SHC3: variants seen among roughly 807,000 people sequenced by gnomAD.
The protein encoded by SHC3 is SHC-transforming protein 3.
SHC3 carries 15 observed loss-of-function variants against 60.4 expected under a neutral mutation model. That is an observed-to-expected ratio of 0.25 (90% CI 0.17 to 0.38). The LOEUF (loss-of-function observed/expected upper bound fraction) is 0.38. Among genes scored for constraint, SHC3 ranks in the 10% least tolerant of loss-of-function variants. The probability of loss-of-function intolerance (pLI) is 1.00; values close to 1 mark genes in which losing one functional copy is unlikely to be tolerated. For missense variants in SHC3, 677 were observed against 786.1 expected (o/e 0.86, Z 1.66); for synonymous variants, 294 against 325.9 (o/e 0.90, Z 1.05).
intron 2 of SHC3, among the ~76,000 whole-genome samples, chr9:89,094,475 T>A (rs1825670738): frequency 6.6e-6 from 1 of 152,222 alleles, no homozygotes; most frequent in African/African-American, 2.4e-5. Flanking sequence ...TTGAAGATGA[T>A]GACTCAATGA....
chr9:89,092,804 A>T (rs1251183683), intron 2 of SHC3, among the ~76,000 whole-genome samples: 1 of 151,782 alleles, frequency 6.6e-6, no homozygotes, highest in East Asian at 1.9e-4. Context: ...AAAGCTATTA[A>T]CACTGGTCAT....
intron 11 of SHC3, among the ~76,000 whole-genome samples, chr9:89,020,056 C>T (rs1826172657): frequency 6.6e-6 from 1 of 152,070 alleles, no homozygotes; most frequent in South Asian, 2.1e-4. Flanking sequence ...TTTTGTAGAC[C>T]TTTACTGTTA....
chr9:89,063,294 T>C (rs1047645982), intron 6 of SHC3, among the ~76,000 whole-genome samples: 78 of 152,300 alleles, frequency 5.1e-4, no homozygotes, highest in African/African-American at 1.9e-3. Context: ...CACGCCCAGC[T>C]AATTTTTGTA....
At chr9:89,051,358 A>G (rs1341605797) in intron 7 of SHC3, among the ~76,000 whole-genome samples, 3 of 152,244 alleles carry the variant, frequency 2.0e-5, no homozygotes, top group Non-Finnish European at 4.4e-5. Context: ...ATATTCTTAC[A>G]TCCTAAGGAA....
chr9:89,066,619 C>T (rs533402058), intron 5 of SHC3, among the ~76,000 whole-genome samples: 20 of 152,282 alleles, frequency 1.3e-4, no homozygotes, highest in African/African-American at 2.4e-4. Flanking sequence ...TTGGTATTTT[C>T]GGCATTCAAG....
chr9:89,094,377 G>A (rs1450143954), intron 2 of SHC3, among the ~76,000 whole-genome samples: 4 of 152,166 alleles, frequency 2.6e-5, no homozygotes, highest in Admixed American at 2.0e-4. Flanking sequence ...TCAGCCACTG[G>A]GTGAAGTGAC....
At chr9:89,104,280 G>A (rs1825825538) in intron 2 of SHC3, among the ~76,000 whole-genome samples, 1 of 152,124 alleles carries the variant, frequency 6.6e-6, no homozygotes. Flanking sequence ...CTCAAACTGG[G>A]GTACCTGGAT....
intron 6 of SHC3, among the ~76,000 whole-genome samples, chr9:89,064,786 T>C (rs1211476843): frequency 6.6e-6 from 1 of 152,096 alleles, no homozygotes; most frequent in Admixed American, 6.6e-5. Context: ...TATGAAAATG[T>C]TAAAAAGAGA....
intron 1 of SHC3, among the ~76,000 whole-genome samples, chr9:89,151,099 G>A (rs1826539906): frequency 6.6e-6 from 1 of 151,520 alleles, no homozygotes; most frequent in African/African-American, 2.4e-5. Context: ...GCTCACTGCA[G>A]CCTCAACCTC....
At chr9:89,117,627 G>A (rs1451083864) in intron 1 of SHC3, among the ~76,000 whole-genome samples, 1 of 152,076 alleles carries the variant, frequency 6.6e-6, no homozygotes, top group Non-Finnish European at 1.5e-5. Flanking sequence ...AATTATGACT[G>A]TAGTAATTAC....
chr9:89,178,170 CGAGAG>C lies in SHC3; in HGVS notation c.286_290del (p.Leu96GlyfsTer67). On this transcript the variant is annotated frameshift_variant, in exon 1 of 12. Coordinates refer to ENST00000375835, the MANE Select transcript of SHC3 (RefSeq NM_016848.6). LOFTEE classifies it high-confidence loss of function. This position sits in a 1 kb window ranked among gnomAD's most constrained non-coding sequence, Gnocchi z 6.9. ...CCAGGCTGGGCGCGCTGCAGCTGCCCGAGAGCCGCGCGCCCGCCCGCTCCCGGGCG... is the reference window on the plus strand; with the variant it reads ...CCAGGCTGGGCGCGCTGCAGCTGCCCCCGCGCGCCCGCCCGCTCCCGGGCG... 1.5e-6 allele frequency: 2 copies of C among 1,299,116 alleles called. No individual in the cohort carries two copies. The highest frequency in any genetic ancestry group is 2.0e-6 in the Non-Finnish European group (2 of 1,025,140). The allele number at this position is 1,299,116 out of a possible 1,614,324, so 80.5% of individuals were successfully genotyped here. A position where few individuals can be genotyped will look rare whatever the true frequency, so the allele number is the denominator to read the frequency against.
At chr9:89,043,427 T>C (rs952807853) in intron 9 of SHC3, among the ~76,000 whole-genome samples, 2 of 152,310 alleles carry the variant, frequency 1.3e-5, no homozygotes, top group African/African-American at 4.8e-5. Context: ...GAATCAGCCT[T>C]TAGAAAAGAA....
Position 89,151,107 on chromosome 9 carries a change from C to T in SHC3, c.474+26880G>A, listed in dbSNP as rs12349328. Among the ~76,000 whole-genome samples, 203 of 152,086 alleles carry T rather than the reference C, an allele frequency of 1.3e-3. 1 individual carries two copies. The highest frequency in any genetic ancestry group is 4.8e-3 in the African/African-American group (199 of 41,464). ...GGTCACTGCTCACTGCAGCCTCAAC[C>T]TCTTGGGACCAAGTAATCCTCCCAC... On this transcript the variant is annotated intron_variant, in intron 1 of 11. Transcript: ENST00000375835.
chr9:89,136,027 A>G (rs1030673651), intron 1 of SHC3, among the ~76,000 whole-genome samples: 2 of 152,110 alleles, frequency 1.3e-5, no homozygotes, highest in African/African-American at 4.8e-5. Flanking sequence ...CAGATATCAC[A>G]TTTTGTCAGA....
At chr9:89,171,625 A>G (rs561528019) in intron 1 of SHC3, among the ~76,000 whole-genome samples, 1 of 152,326 alleles carries the variant, frequency 6.6e-6, no homozygotes, top group Non-Finnish European at 1.5e-5. Flanking sequence ...CATTATAACA[A>G]TGAGCTCTTT....
intron 1 of SHC3, among the ~76,000 whole-genome samples, chr9:89,143,024 C>G (rs1460188293): frequency 6.6e-6 from 1 of 152,094 alleles, no homozygotes; most frequent in African/African-American, 2.4e-5. Flanking sequence ...GATATTGGAT[C>G]TCGGATCTCG....
At chr9:89,053,243 G>T (rs1027327685) in intron 6 of SHC3, among the ~76,000 whole-genome samples, 1 of 152,166 alleles carries the variant, frequency 6.6e-6, no homozygotes, top group African/African-American at 2.4e-5. Context: ...GCCGACAATC[G>T]TATGCCAAGG....
chr9:89,150,956 T>C (rs1352759443), intron 1 of SHC3, among the ~76,000 whole-genome samples: 6 of 152,208 alleles, frequency 3.9e-5, no homozygotes, highest in Admixed American at 3.9e-4. Flanking sequence ...TTGATTCACA[T>C]TTCCCTAATG....
At chr9:89,016,535 A>G (rs1253811067) in intron 11 of SHC3, among the ~76,000 whole-genome samples, 1 of 152,186 alleles carries the variant, frequency 6.6e-6, no homozygotes, top group Non-Finnish European at 1.5e-5. Context: ...ATAATTAATA[A>G]CCTTCTGAAA....
Sources: gnomAD v4.1 joint callset for allele counts (sites outside exome capture counted in the v4.1 genomes callset) on GRCh38, gnomAD v4.1.1 for gene constraint, Gnocchi (gnomAD v3.1) non-coding constraint, MANE v1.5 for transcripts, NCBI Gene and HGNC (gene_info 2026-07-23, HGNC 2026-07-21) for gene names.